Variants in SLIT2 observed in about 807,000 individuals in gnomAD.
SLIT2 encodes the protein slit guidance ligand 2, also known as slit homolog 2 protein.
Under a neutral mutation model 185.7 loss-of-function variants are expected in SLIT2, and 41 were observed. The ratio of observed to expected loss-of-function variants is 0.22; its 90% CI spans 0.17 to 0.29. The LOEUF (loss-of-function observed/expected upper bound fraction) is 0.29. Among genes scored for constraint, SLIT2 ranks in the 10% least tolerant of loss-of-function variants. SLIT2 has a pLI of 1.00. For synonymous variants in SLIT2, 693 were observed against 680.2 expected (o/e 1.02, Z -0.29); for missense variants, 1,571 against 1,909.0 (o/e 0.82, Z 3.30).
At chr4:20,489,038 G>A (rs778962892) in intron 8 of SLIT2, 56 bp downstream of exon 8, 4 of 1,425,110 alleles carry the variant, frequency 2.8e-6, no homozygotes, top group Non-Finnish European at 3.9e-6. Flanking sequence ...TTATGTAACA[G>A]AATGTGAGGG....
At chr4:20,405,850 T>C (rs1239118218) in intron 4 of SLIT2, among the ~76,000 whole-genome samples, 1 of 152,042 alleles carries the variant, frequency 6.6e-6, no homozygotes, top group Non-Finnish European at 1.5e-5. Context: ...CTCGAATACA[T>C]ATATTCATAT....
At chr4:20,608,558 C>G (rs1449475952) in intron 33 of SLIT2, among the ~76,000 whole-genome samples, 1 of 152,122 alleles carries the variant, frequency 6.6e-6, no homozygotes, top group Non-Finnish European at 1.5e-5. Flanking sequence ...AAAGTTGTTT[C>G]CTGAGACAGG....
intron 3 of SLIT2, among the ~76,000 whole-genome samples, chr4:20,260,298 T>G (rs1283341750): frequency 6.6e-6 from 1 of 151,726 alleles, no homozygotes; most frequent in Non-Finnish European, 1.5e-5. Context: ...ATAAATTAGC[T>G]TTTTATTATG....
At chr4:20,330,584 A>G (rs1157639123) in intron 4 of SLIT2, among the ~76,000 whole-genome samples, 1 of 152,114 alleles carries the variant, frequency 6.6e-6, no homozygotes, top group African/African-American at 2.4e-5. Flanking sequence ...GGAAAGCATG[A>G]AGTGTCAAAT....
chr4:20,440,308 G>A (rs1729651884), intron 4 of SLIT2, among the ~76,000 whole-genome samples: 1 of 152,168 alleles, frequency 6.6e-6, no homozygotes, highest in Non-Finnish European at 1.5e-5. Flanking sequence ...CCCTGGAGTT[G>A]AAACTACATC....
chr4:20,357,767 C>T (rs1722443484), intron 4 of SLIT2, among the ~76,000 whole-genome samples: 1 of 151,926 alleles, frequency 6.6e-6, no homozygotes, highest in South Asian at 2.1e-4. Context: ...AGCTTTTATT[C>T]CCCCCAATAT....
rs1721497467 is a variant in SLIT2 at position 20,528,469 on chromosome 4, T to G, written c.1463-480T>G. 1 of 427,230 alleles carries G rather than the reference T, an allele frequency of 2.3e-6. No individual in the cohort carries two copies. Among genetic ancestry groups the G allele is most frequent in the Non-Finnish European group, 4.8e-6 (1 of 207,400 alleles). 26.5% of individuals were successfully genotyped at this position (427,230 alleles called of 1,614,324 possible). A position where few individuals can be genotyped will look rare whatever the true frequency, so the allele number is the denominator to read the frequency against. ...ATGAAAAAAGAGGGCTTTTTAGGCATCTCCGAGATTATGTGAGAGGGAGAG... is the reference window on the plus strand; with the variant it reads ...ATGAAAAAAGAGGGCTTTTTAGGCAGCTCCGAGATTATGTGAGAGGGAGAG... On this transcript the variant is annotated intron_variant, in intron 15 of 36. Transcript: ENST00000504154. This position sits in a 1 kb window ranked among gnomAD's most constrained non-coding sequence, Gnocchi z 4.2.
At chr4:20,362,918 G>A (rs1722851590) in intron 4 of SLIT2, among the ~76,000 whole-genome samples, 1 of 148,362 alleles carries the variant, frequency 6.7e-6, no homozygotes, top group East Asian at 2.0e-4. Context: ...TTTTCCAAGA[G>A]GAATGAAATT....
intron 12 of SLIT2, among the ~76,000 whole-genome samples, chr4:20,521,320 A>G (rs575160312): frequency 6.6e-6 from 1 of 152,312 alleles, no homozygotes; most frequent in Admixed American, 6.5e-5. Flanking sequence ...TTATCTCTTT[A>G]CAGCTAGCTG....
At position 20,561,294 on chromosome 4, in the gene SLIT2, C is replaced by G. The variant is rs78966743; in HGVS notation, c.2726-5968C>G. On this transcript the variant is annotated intron_variant, in intron 26 of 36. Transcript: ENST00000504154. ...CAACATTTAGCATGCTGTGGTTGAT[C>G]TCTTCCTCTAATTTTATATGTTAGG... Among the ~76,000 whole-genome samples the G allele has an allele frequency of 6.3e-3, 964 of 151,904 alleles. 22 individuals carry two copies. Among genetic ancestry groups the G allele is most frequent in the African/African-American group, 0.022 (926 of 41,414 alleles).
At chr4:20,333,279 G>A (rs1452733964) in intron 4 of SLIT2, among the ~76,000 whole-genome samples, 2 of 152,168 alleles carry the variant, frequency 1.3e-5, no homozygotes, top group African/African-American at 4.8e-5. Context: ...ACTTGGATCT[G>A]TGCTAACTTT....
chr4:20,371,392 T>A (rs1471025464), intron 4 of SLIT2, among the ~76,000 whole-genome samples: 1 of 152,058 alleles, frequency 6.6e-6, no homozygotes, highest in Non-Finnish European at 1.5e-5. Flanking sequence ...TTGTGTATTA[T>A]TACAACAAAA....
chr4:20,345,164 A>G (rs1168534110), intron 4 of SLIT2, among the ~76,000 whole-genome samples: 1 of 152,222 alleles, frequency 6.6e-6, no homozygotes, highest in East Asian at 1.9e-4. Context: ...GGCAGGTAAG[A>G]AATTAAATCT....
intron 26 of SLIT2, among the ~76,000 whole-genome samples, chr4:20,557,999 A>G (rs762981921): frequency 6.6e-5 from 10 of 152,084 alleles, no homozygotes; most frequent in Non-Finnish European, 1.5e-4. Flanking sequence ...CTGCAGTCTC[A>G]TGATAAAACT....
chr4:20,462,010 A>T (rs1381565257), intron 4 of SLIT2, among the ~76,000 whole-genome samples: 1 of 152,020 alleles, frequency 6.6e-6, no homozygotes, highest in Non-Finnish European at 1.5e-5. Flanking sequence ...GGTTTTGGGA[A>T]TGAATTGGAT....
chr4:20,502,359 GT>G (rs2148814662), intron 9 of SLIT2, among the ~76,000 whole-genome samples: 1 of 152,276 alleles, frequency 6.6e-6, no homozygotes, highest in East Asian at 1.9e-4. Context: ...GAAAAGTGGC[GT>G]TTTAAAAAAG....
At position 20,413,362 on chromosome 4, in the gene SLIT2, T is replaced by A. The variant is rs1003972743; in HGVS notation, c.396-54390T>A. ...TCAATATTATTTCAATTCTTTTAAA[T>A]TGAGACTTGTTCCGGAGATGTTCCA... On this transcript the variant is annotated intron_variant, in intron 4 of 36. Coordinates refer to ENST00000504154, the MANE Select transcript of SLIT2 (RefSeq NM_004787.4). Among the ~76,000 whole-genome samples the A allele has an allele frequency of 2.0e-5, 3 of 152,214 alleles. No individual in the cohort carries two copies. In the South Asian group the frequency reaches 6.2e-4, roughly 32 times the overall value.
At chr4:20,432,309 T>C (rs1729054317) in intron 4 of SLIT2, among the ~76,000 whole-genome samples, 1 of 152,108 alleles carries the variant, frequency 6.6e-6, no homozygotes, top group Non-Finnish European at 1.5e-5. Flanking sequence ...TTATGACTAA[T>C]AGGATTAGGG....
At chr4:20,353,865 A>T (rs990992252) in intron 4 of SLIT2, among the ~76,000 whole-genome samples, 13 of 152,218 alleles carry the variant, frequency 8.5e-5, no homozygotes, top group African/African-American at 2.7e-4. Context: ...GAAATGTTGC[A>T]ATAAACTTTA....
Sources: allele counts gnomAD v4.1 joint callset (sites outside exome capture counted in the v4.1 genomes callset), GRCh38; gene constraint gnomAD v4.1.1; non-coding constraint Gnocchi (gnomAD v3.1); transcripts MANE v1.5; gene names NCBI Gene and HGNC (gene_info 2026-07-23, HGNC 2026-07-21).